RAE1: variants seen among roughly 807,000 people sequenced by gnomAD.
The protein encoded by RAE1 is ribonucleic acid export 1, also known as mRNA export factor RAE1.
In RAE1, 13 loss-of-function variants were observed where a neutral mutation model predicts 52.7. The observed-to-expected ratio is 0.25, with a 90% confidence interval of 0.16 to 0.39. The LOEUF is 0.39. Among genes scored for constraint, RAE1 ranks in the 10% least tolerant of loss-of-function variants. The pLI is 1.00. For synonymous variants in RAE1, 164 were observed against 153.1 expected, an observed-to-expected ratio of 1.07 and a Z score of -0.52; for missense variants, 262 against 459.8, an observed-to-expected ratio of 0.57 and a Z score of 3.93.
intron 4 of RAE1, among the ~76,000 whole-genome samples, chr20:57,363,912 G>A (rs143517351): frequency 2.6e-5 from 4 of 152,268 alleles, no homozygotes; most frequent in East Asian, 3.9e-4. Context: ...AAACCTACAC[G>A]GAAGGATTAG....
intron 7 of RAE1, among the ~76,000 whole-genome samples, chr20:57,368,137 C>T (rs867371685): frequency 3.0e-4 from 45 of 152,276 alleles, no homozygotes; most frequent in African/African-American, 9.6e-4. Flanking sequence ...CCACCTGCCT[C>T]GGCCTCCCAA....
intron 3 of RAE1, among the ~76,000 whole-genome samples, chr20:57,356,096 G>A (rs545283626): frequency 3.9e-4 from 59 of 152,270 alleles, no homozygotes; most frequent in Non-Finnish European, 7.1e-4. Context: ...TAACGGAGGG[G>A]AGATTATATA....
At chr20:57,351,986 G>A (rs955162141) in intron 1 of RAE1, 19 of 985,136 alleles carry the variant, frequency 1.9e-5, no homozygotes, top group Non-Finnish European at 2.2e-5. Context: ...TATGCATTAA[G>A]GGAAGAATCC....
intron 3 of RAE1, among the ~76,000 whole-genome samples, chr20:57,356,043 T>C (rs1178034522): frequency 6.6e-6 from 1 of 152,210 alleles, no homozygotes; most frequent in African/African-American, 2.4e-5. Flanking sequence ...TGATTTTTAT[T>C]TTTTTGCCAT....
At position 57,354,704 on chromosome 20, in the gene RAE1, T is replaced by G. The variant is rs190665777; in HGVS notation, c.91-8T>G. On this transcript the variant is annotated splice_region_variant and splice_polypyrimidine_tract_variant and intron_variant, in intron 2 of 11. Coordinates refer to ENST00000395841, the MANE Select transcript of RAE1 (RefSeq NM_003610.4). Reference sequence around the variant, plus strand: ...GCATACATTTTAACATTGACTTTTTTCCCGCAGGATATTGAAGTAACATCA... The same window carrying G: ...GCATACATTTTAACATTGACTTTTTGCCCGCAGGATATTGAAGTAACATCA... The G allele has an allele frequency of 4.5e-3, 6,980 of 1,555,870 alleles. 35 individuals carry two copies. Among genetic ancestry groups the G allele is most frequent in the Middle Eastern group, 0.021 (124 of 5,838 alleles).
At chr20:57,351,591 T>A (rs1403170227) in intron 1 of RAE1, 169 bp downstream of exon 1, 1 of 985,438 alleles carries the variant, frequency 1.0e-6, no homozygotes, top group African/African-American at 1.7e-5. Context: ...GAAATGGCCT[T>A]AGGGGTCACC....
chr20:57,355,715 G>A (rs565482135), intron 3 of RAE1, among the ~76,000 whole-genome samples: 1 of 152,230 alleles, frequency 6.6e-6, no homozygotes, highest in Non-Finnish European at 1.5e-5. Flanking sequence ...GAATACCATT[G>A]TAAGTTTTTG....
At chr20:57,376,418 A>G (rs7270995) in intron 11 of RAE1, among the ~76,000 whole-genome samples, 77,256 of 152,040 alleles carry the variant, frequency 0.51, 21,815 homozygotes, top group East Asian at 0.76. Flanking sequence ...AAAACCATGG[A>G]TCTGTTTTCT....
At chr20:57,366,968 T>A in intron 6 of RAE1, 40 bp from the exon 7 acceptor site, 2 of 1,586,132 alleles carry the variant, frequency 1.3e-6, no homozygotes, top group Non-Finnish European at 1.7e-6. Context: ...CGACTTCTGC[T>A]CTGAATGGTC....
Position 57,351,351 on chromosome 20 carries a change from C to T in RAE1, c.-79C>T. On this transcript the variant is annotated 5_prime_UTR_variant, in exon 1 of 12. Transcript: ENST00000395841. ...CGCTCCTGGCCCTCGTCCTTCGCGC[C>T]AGAGCAGGTTCGCAAACTCCTCAGA... 1 of 985,488 alleles carries T rather than the reference C, an allele frequency of 1.0e-6. No homozygotes were observed. 61.0% of individuals were successfully genotyped at this position (985,488 alleles called of 1,614,324 possible). A position where few individuals can be genotyped will look rare whatever the true frequency, so the allele number is the denominator to read the frequency against.
At chr20:57,372,527 C>T (rs1048532875) in intron 8 of RAE1, 3 of 152,252 alleles carry the variant, frequency 2.0e-5, no homozygotes, top group Admixed American at 6.5e-5. Context: ...CCTTTTCTGT[C>T]ATCTAAGAAC....
intron 4 of RAE1, 60 bp downstream of exon 4, chr20:57,356,598 A>G: frequency 7.0e-7 from 1 of 1,426,804 alleles, no homozygotes; most frequent in Admixed American, 1.9e-5. Context: ...GATTTAGAAT[A>G]TTTAATAATC....
At chr20:57,371,013 C>G (rs978778959) in intron 8 of RAE1, 1 of 152,210 alleles carries the variant, frequency 6.6e-6, no homozygotes, top group African/African-American at 2.4e-5. Context: ...CTTTCCCTCT[C>G]CTGTCTCACT....
intron 8 of RAE1, chr20:57,371,731 A>G (rs1292027355): frequency 6.6e-6 from 1 of 152,240 alleles, no homozygotes; most frequent in Non-Finnish European, 1.5e-5. Flanking sequence ...CAAAATGGGT[A>G]TTTTGAAGAG....
At chr20:57,364,785 A>G (rs538267932) in intron 4 of RAE1, among the ~76,000 whole-genome samples, 3 of 152,340 alleles carry the variant, frequency 2.0e-5, no homozygotes, top group African/African-American at 4.8e-5. Context: ...TTTTAAATCT[A>G]TTTGACAAGT....
chr20:57,373,833 A>G, intron 10 of RAE1, 95 bp downstream of exon 10: 3 of 1,285,500 alleles, frequency 2.3e-6, no homozygotes, highest in Non-Finnish European at 3.4e-6. Flanking sequence ...CTCATCACTG[A>G]AGAGCTTGTG....
At chr20:57,362,141 A>G (rs2066899605) in intron 4 of RAE1, among the ~76,000 whole-genome samples, 1 of 152,208 alleles carries the variant, frequency 6.6e-6, no homozygotes, top group Non-Finnish European at 1.5e-5. Flanking sequence ...CTTCCATGAA[A>G]CTGGTCCCTG....
In RAE1 at chr20:57,378,097, T is replaced by TA; in HGVS notation, c.1106dup (p.Ter369=). Residue 369 remains the stop codon, a frameshift_variant and stop_retained_variant, in exon 12 of 12, where the codon TAG becomes TAAG. Coordinates refer to ENST00000395841, the MANE Select transcript of RAE1 (RefSeq NM_003610.4). LOFTEE classifies it high-confidence loss of function. The part of the protein sequence containing the change: ...AEELKPRNKK[*] ...AGAGCTAAAGCCCAGGAATAAGAAG[T>TA]AGTGGCTGGAGACTCTGGCTCAGCC... 6.2e-7 allele frequency: 1 copy of TA among 1,608,298 alleles called. No homozygotes were observed.
rs1264347930 is a variant in RAE1 at position 57,360,485 on chromosome 20, C to T, written c.288+3947C>T. ...GGCTCCTCTAGAGGGATATAAAGCA[C>T]CACCAAGTCCTTTGAGTTTTAAATT... On this transcript the variant is annotated intron_variant, in intron 4 of 11. Transcript: ENST00000395841. Among the ~76,000 whole-genome samples, 3 of 152,070 alleles carry T rather than the reference C, an allele frequency of 2.0e-5. No homozygotes were observed. In the East Asian group the frequency reaches 5.8e-4, roughly 29 times the overall value.
Sources: allele counts gnomAD v4.1 joint callset (sites outside exome capture counted in the v4.1 genomes callset), GRCh38; gene constraint gnomAD v4.1.1; transcripts MANE v1.5; gene names NCBI Gene and HGNC (gene_info 2026-07-23, HGNC 2026-07-21).